The following VGLL4 variants were observed in gnomAD, a reference collection of about 807,000 sequenced individuals.
The protein encoded by VGLL4 is vestigial like family member 4.
Under a neutral mutation model 21.0 loss-of-function variants are expected in VGLL4, and 7 were observed. The ratio of observed to expected loss-of-function variants is 0.33; its 90% CI spans 0.19 to 0.63. VGLL4 has a LOEUF of 0.63. VGLL4 is among the 20% of genes least tolerant of loss of function. VGLL4 has a pLI of 0.78. For synonymous variants in VGLL4, 222 were observed against 173.2 expected (o/e 1.28, Z -2.21); for missense variants, 394 against 425.7 (o/e 0.93, Z 0.66).
intron 1 of VGLL4, among the ~76,000 whole-genome samples, chr3:11,703,609 T>C (rs1329537954): frequency 6.6e-6 from 1 of 152,262 alleles, no homozygotes. Flanking sequence ...ATCATGTTTT[T>C]TAATAAGACT....
chr3:11,593,251 C>G (rs1559885977), intron 2 of VGLL4, among the ~76,000 whole-genome samples: 2 of 152,256 alleles, frequency 1.3e-5, no homozygotes, highest in South Asian at 4.1e-4. Flanking sequence ...GCAACAGCTG[C>G]CAAAGAGGGT....
chr3:11,634,951 C>T (rs545367780), intron 1 of VGLL4, among the ~76,000 whole-genome samples: 6 of 152,176 alleles, frequency 3.9e-5, no homozygotes, highest in South Asian at 4.2e-4. Context: ...GGATTACAGG[C>T]GTGAGCAACC....
intron 2 of VGLL4, among the ~76,000 whole-genome samples, chr3:11,696,732 CTTTTT>C (rs2076611834): frequency 6.6e-6 from 1 of 152,116 alleles, no homozygotes; most frequent in Admixed American, 6.5e-5. Flanking sequence ...ATTGTCTCCT[CTTTTT>C]ATTTTTTTAA....
chr3:11,715,333 GTTCT>G (rs1559960654), intron 1 of VGLL4, among the ~76,000 whole-genome samples: 1 of 151,832 alleles, frequency 6.6e-6, no homozygotes, highest in Non-Finnish European at 1.5e-5. Flanking sequence ...AATATTATTG[GTTCT>G]TTTTTTTATT....
chr3:11,695,648 G>A (rs1051034413), intron 2 of VGLL4, among the ~76,000 whole-genome samples: 2 of 152,114 alleles, frequency 1.3e-5, no homozygotes. Flanking sequence ...TCCCCTAGGA[G>A]GATCATTATT....
At chr3:11,628,832 A>G (rs1421215933) in intron 1 of VGLL4, among the ~76,000 whole-genome samples, 2 of 152,224 alleles carry the variant, frequency 1.3e-5, no homozygotes, top group Non-Finnish European at 1.5e-5. Context: ...ACAAAAACAA[A>G]AACAAAAAAA....
rs185055907 is a variant in VGLL4, at chr3:11,634,821, A to G, written c.82+8616T>C. On this transcript the variant is annotated intron_variant, in intron 1 of 4. Coordinates refer to ENST00000430365, the MANE Select transcript of VGLL4 (RefSeq NM_001128219.3). ...CCCTCCCGAGTATCTGGGATCGCGC[A>G]CCAGCATGCCTGGCTAATTTTTATA... Among the ~76,000 whole-genome samples the G allele has an allele frequency of 6.1e-3, 922 of 151,966 alleles. 5 individuals are homozygous for G. Among genetic ancestry groups the G allele is most frequent in the South Asian group, 0.025 (119 of 4,802 alleles).
At chr3:11,667,447 A>C (rs1224564637) in intron 2 of VGLL4, among the ~76,000 whole-genome samples, 1 of 152,188 alleles carries the variant, frequency 6.6e-6, no homozygotes, top group East Asian at 1.9e-4. Context: ...GACATATACT[A>C]TTTACATATT....
intron 2 of VGLL4, among the ~76,000 whole-genome samples, chr3:11,679,030 G>C (rs375039363): frequency 1.5e-4 from 23 of 152,244 alleles, no homozygotes; most frequent in African/African-American, 5.1e-4. Flanking sequence ...ATACAATTAC[G>C]TGCAGTATAT....
chr3:11,564,717 T>TCCTCACCACCTCCCTC (rs2073369088), intron 3 of VGLL4, 80 bp downstream of exon 3: 1 of 1,301,116 alleles, frequency 7.7e-7, no homozygotes, highest in Non-Finnish European at 1.0e-6. Flanking sequence ...GCCCTCGGAG[T>TCCTCACCACCTCCCTC]CCTCTGCTCG....
chr3:11,602,702 T>C (rs1369253332), intron 1 of VGLL4, among the ~76,000 whole-genome samples: 1 of 152,212 alleles, frequency 6.6e-6, no homozygotes. Flanking sequence ...GTTTCGAAGT[T>C]AGGCAATCAA....
chr3:11,580,678 C>G (rs535453563), intron 2 of VGLL4, among the ~76,000 whole-genome samples: 1 of 152,290 alleles, frequency 6.6e-6, no homozygotes, highest in East Asian at 1.9e-4. Flanking sequence ...ACAACAATAA[C>G]TGAAATTGTA....
intron 3 of VGLL4, among the ~76,000 whole-genome samples, chr3:11,561,938 C>T (rs530424021): frequency 8.3e-5 from 11 of 133,118 alleles, no homozygotes; most frequent in South Asian, 4.9e-4. Context: ...CTCACTCTGT[C>T]GTCCAGGCTG....
intron 1 of VGLL4, among the ~76,000 whole-genome samples, chr3:11,632,218 C>T (rs954527622): frequency 6.6e-6 from 1 of 151,942 alleles, no homozygotes; most frequent in Non-Finnish European, 1.5e-5. Context: ...GAGGCTGAGG[C>T]GGGAGAATGG....
chr3:11,701,283 T>TC (rs1205538834), intron 2 of VGLL4, among the ~76,000 whole-genome samples: 1 of 152,144 alleles, frequency 6.6e-6, no homozygotes, highest in Non-Finnish European at 1.5e-5. Flanking sequence ...TTGCCCTTCC[T>TC]CTCACATGTG....
At chr3:11,658,601 G>A (rs1010011723) in intron 2 of VGLL4, among the ~76,000 whole-genome samples, 1 of 124,312 alleles carries the variant, frequency 8.0e-6, no homozygotes, top group Non-Finnish European at 1.7e-5. Context: ...AAACTAGGAA[G>A]GACACAGAGG....
At chr3:11,679,449 C>T (rs1386131322) in intron 2 of VGLL4, among the ~76,000 whole-genome samples, 1 of 152,116 alleles carries the variant, frequency 6.6e-6, no homozygotes, top group Non-Finnish European at 1.5e-5. Flanking sequence ...CTTTGGGAGG[C>T]CGAGGCGGGC....
intron 1 of VGLL4, among the ~76,000 whole-genome samples, chr3:11,603,618 T>A (rs1048293445): frequency 6.6e-6 from 1 of 152,142 alleles, no homozygotes; most frequent in Non-Finnish European, 1.5e-5. Flanking sequence ...TGGGAAGCCC[T>A]GATGATACCC....
At chr3:11,637,256 C>T (rs2075606507) in intron 1 of VGLL4, among the ~76,000 whole-genome samples, 1 of 152,144 alleles carries the variant, frequency 6.6e-6, no homozygotes. Context: ...ATAAAATACA[C>T]ATTTTTATAC....
Sources: allele counts gnomAD v4.1 joint callset (sites outside exome capture counted in the v4.1 genomes callset), GRCh38; gene constraint gnomAD v4.1.1; transcripts MANE v1.5; gene names NCBI Gene and HGNC (gene_info 2026-07-23, HGNC 2026-07-21).